Variants in PDSS2 observed in about 807,000 individuals in gnomAD.
PDSS2 encodes all trans-polyprenyl-diphosphate synthase PDSS2.
Under a neutral mutation model 44.5 loss-of-function variants are expected in PDSS2, and 31 were observed. The ratio of observed to expected loss-of-function variants is 0.70; its 90% CI spans 0.52 to 0.94. The LOEUF (loss-of-function observed/expected upper bound fraction) is 0.94. Ranked by LOEUF, PDSS2 falls within the 40% of genes least tolerant of loss-of-function variation. The probability of loss-of-function intolerance (pLI) is 0.00; values close to 1 mark genes in which losing one functional copy is unlikely to be tolerated. For synonymous variants in PDSS2, 157 were observed against 180.3 expected (o/e 0.87, Z 1.03); for missense variants, 452 against 482.2 (o/e 0.94, Z 0.59).
At chr6:107,155,093 G>C (rs1225720820) in intron 7 of PDSS2, among the ~76,000 whole-genome samples, 1 of 151,668 alleles carries the variant, frequency 6.6e-6, no homozygotes, top group Non-Finnish European at 1.5e-5. Flanking sequence ...AGAAGGCGGA[G>C]GGCATTTACA....
In PDSS2 at chr6:107,193,806, T is replaced by C; in HGVS notation, c.1041+16A>G. 2 of 1,444,180 alleles carry C rather than the reference T, an allele frequency of 1.4e-6. No homozygotes were observed. Among genetic ancestry groups the C allele is most frequent in the Non-Finnish European group, 2.0e-6 (2 of 1,024,600 alleles). The allele number at this position is 1,444,180 out of a possible 1,614,324, so 89.5% of individuals were successfully genotyped here. The stretch of plus-strand genomic sequence containing the variant: ...GAAATGTGTAAAATAGTACAGTATG[T>C]ATAAAATCTGCCTACCTTAGCATAG... On this transcript the variant is annotated intron_variant, in intron 7 of 7. Transcript: ENST00000369037.
At chr6:107,190,686 C>A (rs1360694487) in intron 7 of PDSS2, among the ~76,000 whole-genome samples, 2 of 152,106 alleles carry the variant, frequency 1.3e-5, no homozygotes, top group East Asian at 1.9e-4. Context: ...GCAGAGGGAG[C>A]CAGATAAAGA....
chr6:107,398,166 T>C (rs893644487), intron 1 of PDSS2, among the ~76,000 whole-genome samples: 1 of 152,236 alleles, frequency 6.6e-6, no homozygotes, highest in Non-Finnish European at 1.5e-5. Flanking sequence ...TGCTCCTCCT[T>C]TTCCCAACTG....
chr6:107,177,281 C>T (rs1003214054), intron 7 of PDSS2, among the ~76,000 whole-genome samples: 1 of 151,894 alleles, frequency 6.6e-6, no homozygotes, highest in African/African-American at 2.4e-5. Context: ...CAGGCATGTG[C>T]CACTGTGCCT....
intron 2 of PDSS2, among the ~76,000 whole-genome samples, chr6:107,304,339 A>G (rs1413547358): frequency 6.6e-6 from 1 of 152,248 alleles, no homozygotes; most frequent in African/African-American, 2.4e-5. Context: ...AACTTCAGTT[A>G]TTTACTTATC....
chr6:107,291,436 C>T (rs1487184130), intron 2 of PDSS2, among the ~76,000 whole-genome samples: 2 of 150,630 alleles, frequency 1.3e-5, no homozygotes, highest in African/African-American at 4.9e-5. Flanking sequence ...TGACCTCAAA[C>T]TCCTGGGCTC....
rs1303936024 is a variant in PDSS2, at chr6:107,159,479, C to T, written c.1042-4702G>A. On this transcript the variant is annotated intron_variant, in intron 7 of 7. Transcript: ENST00000369037. The stretch of plus-strand genomic sequence containing the variant: ...TTGCCCAGGCTGGAATGCAGTGGCG[C>T]GATCTTGGCTCACTGCTACCTCCGC... 4.0e-5 allele frequency among the ~76,000 whole-genome samples: 6 copies of T among 149,194 alleles called. No homozygotes were observed. In the East Asian group the frequency reaches 1.0e-3, roughly 25 times the overall value.
chr6:107,373,818 G>T (rs1779199469), intron 1 of PDSS2, among the ~76,000 whole-genome samples: 1 of 152,164 alleles, frequency 6.6e-6, no homozygotes, highest in Non-Finnish European at 1.5e-5. Context: ...GATTATAGAT[G>T]AAGTACAACA....
At chr6:107,279,039 G>A (rs772439599) in intron 2 of PDSS2, among the ~76,000 whole-genome samples, 2 of 152,128 alleles carry the variant, frequency 1.3e-5, no homozygotes, top group Non-Finnish European at 2.9e-5. Context: ...GGCCAACATG[G>A]TGAAACCCCA....
intron 6 of PDSS2, among the ~76,000 whole-genome samples, chr6:107,204,004 A>G (rs752857908): frequency 8.6e-5 from 13 of 151,014 alleles, no homozygotes; most frequent in Non-Finnish European, 1.5e-4. Flanking sequence ...GTGCAGTAGC[A>G]TGATCGAGGC....
At chr6:107,198,453 T>C (rs1221864514) in intron 6 of PDSS2, among the ~76,000 whole-genome samples, 1 of 152,194 alleles carries the variant, frequency 6.6e-6, no homozygotes, top group East Asian at 1.9e-4. Flanking sequence ...TCTAGCTCTA[T>C]GAAATCATTT....
At chr6:107,283,446 C>T (rs1334499382) in intron 2 of PDSS2, among the ~76,000 whole-genome samples, 1 of 152,052 alleles carries the variant, frequency 6.6e-6, no homozygotes. Context: ...ATTGTCTGGG[C>T]GCGGTGGCTC....
At chr6:107,429,901 A>AAAAAAATATATATATAT (rs1166637352) in intron 1 of PDSS2, among the ~76,000 whole-genome samples, 4 of 31,836 alleles carry the variant, frequency 1.3e-4, no homozygotes, top group Admixed American at 5.8e-4. Context: ...AAAAAAAAAA[A>AAAAAAATATATATATAT]ATATATATAT....
intron 7 of PDSS2, among the ~76,000 whole-genome samples, chr6:107,176,946 G>T (rs1205445429): frequency 6.6e-6 from 1 of 151,914 alleles, no homozygotes; most frequent in Non-Finnish European, 1.5e-5. Flanking sequence ...GTCAAGGAGT[G>T]AAGGTCAATT....
At chr6:107,187,111 G>T (rs1772196505) in intron 7 of PDSS2, among the ~76,000 whole-genome samples, 1 of 152,128 alleles carries the variant, frequency 6.6e-6, no homozygotes, top group Admixed American at 6.6e-5. Context: ...TACTGCATAA[G>T]GCATAATACT....
chr6:107,352,152 T>C (rs1195506268), intron 1 of PDSS2, among the ~76,000 whole-genome samples: 4 of 152,216 alleles, frequency 2.6e-5, no homozygotes, highest in Non-Finnish European at 5.9e-5. Context: ...ACCATAACTG[T>C]TAAGTTAGTA....
At chr6:107,336,820 T>A in intron 1 of PDSS2, among the ~76,000 whole-genome samples, 1 of 135,692 alleles carries the variant, frequency 7.4e-6, no homozygotes. Flanking sequence ...GAAAAAGAGG[T>A]GTGTGGTGTG....
At chr6:107,390,089 AAGAG>A (rs1219359974) in intron 1 of PDSS2, among the ~76,000 whole-genome samples, 2 of 152,150 alleles carry the variant, frequency 1.3e-5, no homozygotes, top group African/African-American at 4.8e-5. Context: ...ATGGGGAGAA[AAGAG>A]AGATATTCCT....
At chr6:107,449,430 A>C (rs1225934302) in intron 1 of PDSS2, among the ~76,000 whole-genome samples, 1 of 152,148 alleles carries the variant, frequency 6.6e-6, no homozygotes, top group Non-Finnish European at 1.5e-5. Flanking sequence ...ATAACTATTA[A>C]ACAACTCTCC....
Sources: allele counts gnomAD v4.1 joint callset (sites outside exome capture counted in the v4.1 genomes callset), GRCh38; gene constraint gnomAD v4.1.1; transcripts MANE v1.5; gene names NCBI Gene and HGNC (gene_info 2026-07-23, HGNC 2026-07-21).